The following SEC14L5 variants were observed in gnomAD, a reference collection of about 807,000 sequenced individuals.
SEC14L5 encodes SEC14 like lipid binding 5, also known as SEC14-like protein 5.
A neutral mutation model predicts 84.6 loss-of-function variants in SEC14L5; 96 were observed. The ratio of observed to expected loss-of-function variants is 1.13; its 90% confidence interval spans 0.96 to 1.34. SEC14L5 has a LOEUF of 1.34. Ranked by LOEUF, SEC14L5 falls within the 40% of genes most tolerant of loss-of-function variation. SEC14L5 has a pLI of 0.00. For missense variants in SEC14L5, 1,224 were observed against 942.5 expected, an observed-to-expected ratio of 1.30 and a Z score of -3.91; for synonymous variants, 546 against 383.4, an observed-to-expected ratio of 1.42 and a Z score of -4.95.
In SEC14L5 at chr16:5,008,477, G is replaced by T. The variant is rs1955759097; in HGVS notation, c.1629G>T (p.Leu543=). 6.2e-7 allele frequency: 1 copy of T among 1,613,530 alleles called. No individual in the cohort carries two copies. Among genetic ancestry groups the T allele is most frequent in the Non-Finnish European group, 8.5e-7 (1 of 1,179,818 alleles). ...TCATCACCTGGGACTTTGACATCCT[G>T]CGAGGGGACGTGGTGTTCAGCCTGT... ...ESVITWDFDI[L]RGDVVFSLYH... is the part of the protein sequence containing the mutation. The change falls in exon 14 of 16, where the codon CTG becomes CTT. Residue 543 remains leucine, a synonymous_variant. Transcript: ENST00000251170.
Position 5,008,487 on chromosome 16 carries a change from G to T in SEC14L5, c.1639G>T (p.Val547Leu). ...TWDFDILRGDVVFSLYHTKQA... is the reference protein window; with the variant it reads ...TWDFDILRGDLVFSLYHTKQA... ...GGACTTTGACATCCTGCGAGGGGAC[G>T]TGGTGTTCAGCCTGTACCACACCAA... is the stretch of plus-strand genomic sequence containing the variant. The change falls in exon 14 of 16, where the codon GTG becomes TTG. Residue 547 changes from valine to leucine, a missense_variant. Val to Leu is a conservative substitution (Grantham distance 32). Transcript: ENST00000251170. 1.2e-6 allele frequency: 2 copies of T among 1,613,570 alleles called. No homozygotes were observed. Among genetic ancestry groups the T allele is most frequent in the Non-Finnish European group, 1.7e-6 (2 of 1,179,770 alleles).
At chr16:4,962,494 C>G (rs1044789251) in intron 2 of SEC14L5, among the ~76,000 whole-genome samples, 1 of 152,056 alleles carries the variant, frequency 6.6e-6, no homozygotes, top group Non-Finnish European at 1.5e-5. Context: ...TCGAGACGAG[C>G]TTGGCCAACA....
chr16:4,987,968 G>T (rs866475201), intron 3 of SEC14L5, among the ~76,000 whole-genome samples, 181 bp from the exon 4 acceptor site: 1 of 152,082 alleles, frequency 6.6e-6, no homozygotes, highest in Non-Finnish European at 1.5e-5. Context: ...GGTGAAGATG[G>T]GTTGGCGGCA....
In SEC14L5 at chr16:4,961,577, C is replaced by T. The variant is rs553524573; in HGVS notation, c.63+2191C>T. Among the ~76,000 whole-genome samples, 21 of 152,326 alleles carry T rather than the reference C, an allele frequency of 1.4e-4. No individual in the cohort carries two copies. The East Asian group carries it at 3.5e-3, about 25-fold the overall frequency. On this transcript the variant is annotated intron_variant, in intron 2 of 15. Coordinates refer to ENST00000251170, the MANE Select transcript of SEC14L5 (RefSeq NM_014692.2). ...CTGCTGACCTCAAGTGATCCACTAG[C>T]CTCGGCCTCCCAAAGTGCTGGGATT...
intron 4 of SEC14L5, 66 bp downstream of exon 4, chr16:4,988,346 C>T (rs1054275378): frequency 1.9e-6 from 3 of 1,570,254 alleles, no homozygotes; most frequent in Non-Finnish European, 8.6e-7. Flanking sequence ...CACCTGTGCC[C>T]AGAGCTGTGT....
intron 15 of SEC14L5, among the ~76,000 whole-genome samples, chr16:5,013,536 G>C (rs1435110963): frequency 6.9e-6 from 1 of 145,614 alleles, no homozygotes; most frequent in East Asian, 2.0e-4. Flanking sequence ...ATAGGCATGG[G>C]CTAGCTTGCC....
chr16:4,966,153 A>G (rs1400716869), intron 2 of SEC14L5, among the ~76,000 whole-genome samples: 1 of 151,922 alleles, frequency 6.6e-6, no homozygotes, highest in East Asian at 1.9e-4. Flanking sequence ...TTTTTAGTAG[A>G]GACGGGGTTT....
intron 6 of SEC14L5, among the ~76,000 whole-genome samples, chr16:4,993,146 G>A (rs1017546425): frequency 6.6e-6 from 1 of 152,056 alleles, no homozygotes; most frequent in Non-Finnish European, 1.5e-5. Context: ...GGGCTCAAAC[G>A]ATCCTCCTGC....
intron 4 of SEC14L5, among the ~76,000 whole-genome samples, chr16:4,990,500 G>A (rs1264342899): frequency 1.3e-5 from 2 of 152,226 alleles, no homozygotes; most frequent in African/African-American, 2.4e-5. Flanking sequence ...CTATGTATGT[G>A]TATAATATTG....
At chr16:4,967,390 A>C (rs1245589054) in intron 2 of SEC14L5, among the ~76,000 whole-genome samples, 5 of 152,044 alleles carry the variant, frequency 3.3e-5, no homozygotes, top group Non-Finnish European at 7.4e-5. Context: ...TTACTTGTAA[A>C]GACCTGTTCT....
chr16:4,990,561 G>A (rs1391198626), intron 4 of SEC14L5, among the ~76,000 whole-genome samples: 4 of 152,262 alleles, frequency 2.6e-5, no homozygotes, highest in African/African-American at 9.6e-5. Context: ...CTTCTCATGA[G>A]AAGGCTTTTT....
chr16:4,992,589 G>C (rs1312983804), intron 6 of SEC14L5, among the ~76,000 whole-genome samples: 2 of 152,192 alleles, frequency 1.3e-5, no homozygotes, highest in East Asian at 1.9e-4. Context: ...TTAACCTCTG[G>C]TGCCTTGACA....
chr16:4,993,235 T>TTTAA (rs1016665150), intron 6 of SEC14L5, among the ~76,000 whole-genome samples: 5 of 152,094 alleles, frequency 3.3e-5, no homozygotes, highest in Non-Finnish European at 5.9e-5. Context: ...TTATTTTATT[T>TTTAA]TTAATTAATT....
Position 4,996,337 on chromosome 16 carries a change from T to C in SEC14L5, c.668-11T>C. 6.6e-7 allele frequency: 1 copy of C among 1,516,098 alleles called. No individual in the cohort carries two copies. Among genetic ancestry groups the C allele is most frequent in the African/African-American group, 1.4e-5 (1 of 72,420 alleles). The allele number at this position is 1,516,098 out of a possible 1,614,324, so 93.9% of individuals were successfully genotyped here. A position where few individuals can be genotyped will look rare whatever the true frequency, so the allele number is the denominator to read the frequency against. On this transcript the variant is annotated splice_polypyrimidine_tract_variant and intron_variant, in intron 6 of 15. Coordinates refer to ENST00000251170, the MANE Select transcript of SEC14L5 (RefSeq NM_014692.2). ...TCCCTCTTGTCCTGAAGCTCCCCCT[T>C]CTCCTCCAAGGGGACAAGCTGGATG...
chr16:5,011,222 C>G lies in SEC14L5; in HGVS notation c.1928C>G (p.Pro643Arg). ...DVLTALHSPG[P>R]KCKLLYYCEV... ...CTGACGGCTCTGCACAGCCCCGGGC[C>G]CAAGTGCAAACTTCTCTACTACTGT... Residue 643 changes from proline to arginine, a missense_variant, in exon 15 of 16, where the codon CCC (proline) becomes CGC (arginine). Transcript: ENST00000251170. 1.9e-6 allele frequency: 3 copies of G among 1,613,900 alleles called. No individual in the cohort carries two copies. Among genetic ancestry groups the G allele is most frequent in the Non-Finnish European group, 2.5e-6 (3 of 1,179,890 alleles).
rs181301770 is a variant in SEC14L5 at position 4,982,215 on chromosome 16, C to T, written c.64-5342C>T. ...GTATCCATTTCTTCCTCGGCCCCCC[C>T]CTCCCCCCGCCTCTCTTCCTGGGAG... On this transcript the variant is annotated intron_variant, in intron 2 of 15. Coordinates refer to ENST00000251170, the MANE Select transcript of SEC14L5 (RefSeq NM_014692.2). Among the ~76,000 whole-genome samples the T allele has an allele frequency of 7.6e-3, 1,156 of 152,148 alleles. 6 individuals are homozygous for T. Among genetic ancestry groups the T allele is most frequent in the African/African-American group, 0.026 (1,098 of 41,552 alleles).
intron 6 of SEC14L5, among the ~76,000 whole-genome samples, chr16:4,994,191 C>T (rs1201850657): frequency 6.6e-6 from 1 of 152,082 alleles, no homozygotes. Flanking sequence ...CCAGTTCTAG[C>T]CATGTGTAAG....
At chr16:4,959,411 C>T (rs1955092168) in intron 2 of SEC14L5, 25 bp downstream of exon 2, 2 of 1,607,012 alleles carry the variant, frequency 1.2e-6, no homozygotes, top group Non-Finnish European at 1.7e-6. Context: ...ATTCTTGGGC[C>T]CCCATGTGAC....
In SEC14L5 at chr16:5,017,443, T is replaced by TG. The variant is rs1403628817; in HGVS notation, c.*2474dup. The TG allele has an allele frequency of 4.6e-5, 7 of 152,336 alleles. No homozygotes were observed. The highest frequency in any genetic ancestry group is 8.8e-5 in the Non-Finnish European group (6 of 68,106). The allele number at this position is 152,336 out of a possible 1,614,324, so 9.4% of individuals were successfully genotyped here. A position where few individuals can be genotyped will look rare whatever the true frequency, so the allele number is the denominator to read the frequency against. On this transcript the variant is annotated 3_prime_UTR_variant, in exon 16 of 16. Coordinates refer to ENST00000251170, the MANE Select transcript of SEC14L5 (RefSeq NM_014692.2). ...CAGGCCTCTTGACTCTGCATCTCTT[T>TG]GCATGCTGACCTCATTCTTTCTTCC...
Sources: allele counts gnomAD v4.1 joint callset (sites outside exome capture counted in the v4.1 genomes callset), GRCh38; gene constraint gnomAD v4.1.1; transcripts MANE v1.5; gene names NCBI Gene and HGNC (gene_info 2026-07-23, HGNC 2026-07-21).